The following MCC variants were observed in gnomAD, a reference collection of about 807,000 sequenced individuals.
MCC encodes colorectal mutant cancer protein.
Under a neutral mutation model 116.2 loss-of-function variants are expected in MCC, and 90 were observed. The ratio of observed to expected loss-of-function variants is 0.77; its 90% CI spans 0.65 to 0.92. The LOEUF (loss-of-function observed/expected upper bound fraction) is 0.92, where lower values mean the gene tolerates loss of function less well. Among genes scored for constraint, MCC ranks in the 40% least tolerant of loss-of-function variants. The pLI, the probability that MCC is intolerant of heterozygous loss-of-function variation, is 0.00. For synonymous variants in MCC, 578 were observed against 510.5 expected, an observed-to-expected ratio of 1.13 and a Z score of -1.78; for missense variants, 1,516 against 1,312.2, an observed-to-expected ratio of 1.16 and a Z score of -2.40.
At chr5:113,051,194 C>A (rs1752464453) in intron 15 of MCC, among the ~76,000 whole-genome samples, 1 of 152,142 alleles carries the variant, frequency 6.6e-6, no homozygotes, top group Non-Finnish European at 1.5e-5. Context: ...CCAGGATCCT[C>A]AGGGCCCCAC....
chr5:113,095,313 G>C (rs1036050181), intron 8 of MCC, among the ~76,000 whole-genome samples: 9 of 152,202 alleles, frequency 5.9e-5, no homozygotes, highest in Admixed American at 5.2e-4. Flanking sequence ...CCCAAATTTT[G>C]GTACCAAGAG....
At chr5:113,172,430 T>C (rs1761119449) in intron 3 of MCC, among the ~76,000 whole-genome samples, 1 of 152,198 alleles carries the variant, frequency 6.6e-6, no homozygotes, top group Non-Finnish European at 1.5e-5. Flanking sequence ...AGCCTCAAGT[T>C]GCTATTTCCT....
intron 3 of MCC, among the ~76,000 whole-genome samples, chr5:113,290,795 T>C (rs912025472): frequency 3.9e-5 from 6 of 152,186 alleles, no homozygotes; most frequent in African/African-American, 1.4e-4. Flanking sequence ...GGGAGAGAGG[T>C]TGAATTCAAA....
At chr5:113,305,846 A>G in intron 3 of MCC, among the ~76,000 whole-genome samples, 1 of 152,188 alleles carries the variant, frequency 6.6e-6, no homozygotes, top group Non-Finnish European at 1.5e-5. Context: ...TGCAGCCATC[A>G]CCACTATCTT....
intron 3 of MCC, among the ~76,000 whole-genome samples, chr5:113,312,113 C>G (rs1387080151): frequency 6.6e-6 from 1 of 151,602 alleles, no homozygotes; most frequent in Non-Finnish European, 1.5e-5. Context: ...CTCAAAAAAA[C>G]AAACAAACAA....
chr5:113,215,314 C>T (rs1237440277), intron 3 of MCC, among the ~76,000 whole-genome samples: 1 of 152,182 alleles, frequency 6.6e-6, no homozygotes, highest in African/African-American at 2.4e-5. Context: ...AGAATGGAAC[C>T]TTAAGAGATG....
At chr5:113,275,791 A>G (rs1275254337) in intron 3 of MCC, among the ~76,000 whole-genome samples, 1 of 152,130 alleles carries the variant, frequency 6.6e-6, no homozygotes, top group African/African-American at 2.4e-5. Flanking sequence ...CAAATACTAC[A>G]CCCTTTTATA....
At chr5:113,223,358 C>CA (rs1319706482) in intron 3 of MCC, among the ~76,000 whole-genome samples, 4 of 152,206 alleles carry the variant, frequency 2.6e-5, no homozygotes, top group Non-Finnish European at 5.9e-5. Context: ...TCTAGCCATA[C>CA]AAAATCCATG....
In MCC at chr5:113,187,710, G is replaced by A. The variant is rs529266053; in HGVS notation, c.628-36288C>T. 9.4e-5 allele frequency among the ~76,000 whole-genome samples: 14 copies of A among 148,842 alleles called. No homozygotes were observed. The South Asian group carries it at 2.1e-3, about 23-fold the overall frequency. On this transcript the variant is annotated intron_variant, in intron 3 of 18. Transcript: ENST00000408903. The stretch of plus-strand genomic sequence containing the variant: ...GCGGAGCTTGCAGTGAGCCCAGATC[G>A]CGCCACTGCACTCCGGCCTGGGCGA...
intron 14 of MCC, among the ~76,000 whole-genome samples, chr5:113,054,450 A>G (rs542483036): frequency 6.6e-6 from 1 of 152,388 alleles, no homozygotes; most frequent in South Asian, 2.1e-4. Context: ...GGTATATTTA[A>G]GGCAACAAAA....
intron 2 of MCC, among the ~76,000 whole-genome samples, chr5:113,345,142 AGTG>A (rs1393846573): frequency 6.6e-6 from 1 of 152,194 alleles, no homozygotes; most frequent in Non-Finnish European, 1.5e-5. Flanking sequence ...ACCATGGGTC[AGTG>A]GTGGTGGCCA....
At chr5:113,407,166 A>T (rs1431139804) in intron 1 of MCC, among the ~76,000 whole-genome samples, 1 of 152,212 alleles carries the variant, frequency 6.6e-6, no homozygotes, top group Non-Finnish European at 1.5e-5. Context: ...TGTGCTCAGC[A>T]ATTGACATAA....
chr5:113,187,754 CAAAA>C (rs5870533), intron 3 of MCC, among the ~76,000 whole-genome samples: 20 of 122,940 alleles, frequency 1.6e-4, no homozygotes, highest in East Asian at 2.3e-4. Flanking sequence ...GACTCCAACT[CAAAA>C]AAAAAAAAAA....
rs1336551544 is a variant in MCC, at chr5:113,082,865, C to T, written c.1779G>A (p.Leu593=). ...TCGATACGATCTCTCCTCACCTATTCAGCCGTTCTGTTTCCACCTCAAACT... is the reference window on the plus strand; with the variant it reads ...TCGATACGATCTCTCCTCACCTATTTAGCCGTTCTGTTTCCACCTCAAACT... The part of the protein sequence containing the change: ...IREFEVETER[L]NSRIEHLKSQ... Residue 593 remains leucine (L), a synonymous_variant, in exon 11 of 19, where the codon CTG becomes CTA. Coordinates refer to ENST00000408903, the MANE Select transcript of MCC (RefSeq NM_001085377.2). The T allele has an allele frequency of 1.9e-6, 3 of 1,613,962 alleles. No homozygotes were observed. The highest frequency in any genetic ancestry group is 2.5e-6 in the Non-Finnish European group (3 of 1,179,898).
At chr5:113,251,916 G>A (rs1171447316) in intron 3 of MCC, among the ~76,000 whole-genome samples, 1 of 152,168 alleles carries the variant, frequency 6.6e-6, no homozygotes. Context: ...AAAAAGAAGA[G>A]GAACAGGAGC....
At chr5:113,130,923 C>T (rs989243244) in intron 5 of MCC, among the ~76,000 whole-genome samples, 1 of 152,200 alleles carries the variant, frequency 6.6e-6, no homozygotes, top group Admixed American at 6.5e-5. Context: ...TAAGACAGGG[C>T]CCCACTCTTC....
At chr5:113,369,723 T>G (rs1386258804) in intron 2 of MCC, among the ~76,000 whole-genome samples, 3 of 152,182 alleles carry the variant, frequency 2.0e-5, no homozygotes, top group Non-Finnish European at 4.4e-5. Context: ...GGGCCCAATT[T>G]AGGAAACGCT....
intron 8 of MCC, among the ~76,000 whole-genome samples, chr5:113,096,823 T>C (rs769353215): frequency 1.2e-4 from 19 of 152,166 alleles, no homozygotes; most frequent in Admixed American, 9.8e-4. Flanking sequence ...GAACCTGTTA[T>C]TGCAGAAAAA....
In MCC at chr5:113,461,744, TAAAAAAAA is replaced by T. The variant is rs56312844; in HGVS notation, c.170+26493_170+26500del. Among the ~76,000 whole-genome samples, 29 of 118,818 alleles carry T rather than the reference TAAAAAAAA, an allele frequency of 2.4e-4. 1 individual carries two copies. The highest frequency in any genetic ancestry group is 1.5e-3 in the Admixed American group (18 of 11,922). The allele number at this position is 118,818 out of a possible 152,430, so 77.9% of individuals were successfully genotyped here. A position where few individuals can be genotyped will look rare whatever the true frequency, so the allele number is the denominator to read the frequency against. On this transcript the variant is annotated intron_variant, in intron 1 of 18. Transcript: ENST00000408903. ...TTTAAGGATGAACAACTTGCACCAG[TAAAAAAAA>T]AAAAAAAAAAAAAAAATTCTGACAG...
Sources: allele counts gnomAD v4.1 joint callset (sites outside exome capture counted in the v4.1 genomes callset), GRCh38; gene constraint gnomAD v4.1.1; transcripts MANE v1.5; gene names NCBI Gene and HGNC (gene_info 2026-07-23, HGNC 2026-07-21).